Variants in DCAF17 observed in about 807,000 individuals in gnomAD.
The protein encoded by DCAF17 is DDB1 and CUL4 associated factor 17, also known as DDB1- and CUL4-associated factor 17.
DCAF17 carries 48 observed loss-of-function variants against 66.0 expected under a neutral mutation model. The observed-to-expected ratio is 0.73, with a 90% CI of 0.58 to 0.92. The LOEUF (loss-of-function observed/expected upper bound fraction) is 0.92, where lower values mean the gene tolerates loss of function less well. Among genes scored for constraint, DCAF17 ranks in the 40% least tolerant of loss-of-function variants. The pLI is 0.00. For synonymous variants in DCAF17, 206 were observed against 214.6 expected (o/e 0.96, Z 0.35); for missense variants, 562 against 622.8 (o/e 0.90, Z 1.04).
chr2:171,445,974 C>T (rs979412634), intron 3 of DCAF17, among the ~76,000 whole-genome samples: 4 of 152,084 alleles, frequency 2.6e-5, no homozygotes, highest in Admixed American at 2.6e-4. Context: ...TGAGTCACCA[C>T]GCTCAGCCAA....
Position 171,456,094 on chromosome 2 carries a change from A to G in DCAF17, c.628-1877A>G, listed in dbSNP as rs376025348. Among the ~76,000 whole-genome samples the G allele has an allele frequency of 6.6e-5, 10 of 152,292 alleles. No homozygotes were observed. In the East Asian group the frequency reaches 1.7e-3, roughly 26 times the overall value. On this transcript the variant is annotated intron_variant, in intron 6 of 13. Transcript: ENST00000375255. ...CATCATGAAATCTTTGCCCATGCCTATGTCCAGAATGATATTGCCTAGGTT... is the reference window on the plus strand; with the variant it reads ...CATCATGAAATCTTTGCCCATGCCTGTGTCCAGAATGATATTGCCTAGGTT...
Position 171,476,688 on chromosome 2 carries a change from A to T in DCAF17, c.1092-172A>T, listed in dbSNP as rs186810008. 5.7e-4 allele frequency among the ~76,000 whole-genome samples: 87 copies of T among 152,316 alleles called. 2 individuals carry two copies. The highest frequency in any genetic ancestry group is 2.4e-4 in the Non-Finnish European group (16 of 68,032). ...CTGTTTAACAGAATCTCCGAATTTG[A>T]AGGAGTTCATGGACATTTAGTGATC... On this transcript the variant is annotated intron_variant, in intron 10 of 13. Transcript: ENST00000375255.
At chr2:171,435,350 G>A (rs1244644026) in intron 2 of DCAF17, among the ~76,000 whole-genome samples, 164 bp downstream of exon 2, 1 of 152,170 alleles carries the variant, frequency 6.6e-6, no homozygotes, top group Non-Finnish European at 1.5e-5. Context: ...TTAAAATCTT[G>A]TTAAATCTAA....
intron 10 of DCAF17, among the ~76,000 whole-genome samples, chr2:171,476,058 A>C (rs1696483923): frequency 1.3e-5 from 2 of 152,198 alleles, no homozygotes; most frequent in Non-Finnish European, 2.9e-5. Flanking sequence ...AAACTAAGTG[A>C]ATAATTTAAA....
chr2:171,463,245 A>T (rs1250568873), intron 8 of DCAF17, among the ~76,000 whole-genome samples: 1 of 151,748 alleles, frequency 6.6e-6, no homozygotes, highest in Non-Finnish European at 1.5e-5. Flanking sequence ...AAAAAACAGA[A>T]AGAAGAATTC....
At chr2:171,457,384 T>C (rs73976158) in intron 6 of DCAF17, among the ~76,000 whole-genome samples, 8,700 of 152,200 alleles carry the variant, frequency 0.057, 281 homozygotes, top group African/African-American at 0.075. Flanking sequence ...ATTTAAGTAG[T>C]TTGTTTTTGA....
chr2:171,442,395 AAAAATAC>A (rs1277404643), intron 2 of DCAF17, among the ~76,000 whole-genome samples: 8 of 151,608 alleles, frequency 5.3e-5, no homozygotes, highest in African/African-American at 1.9e-4. Context: ...TGTCTCTACT[AAAAATAC>A]AAAATACAAA....
intron 8 of DCAF17, among the ~76,000 whole-genome samples, chr2:171,460,640 C>T (rs571521701): frequency 5.9e-4 from 90 of 152,118 alleles, no homozygotes; most frequent in African/African-American, 2.1e-3. Flanking sequence ...AAGTGATCAT[C>T]CTACATTAGC....
At chr2:171,451,183 CTT>C (rs1278650125) in intron 5 of DCAF17, among the ~76,000 whole-genome samples, 3 of 152,108 alleles carry the variant, frequency 2.0e-5, no homozygotes, top group African/African-American at 7.2e-5. Context: ...CCTCATCTCT[CTT>C]GTCTACTTTT....
intron 5 of DCAF17, 29 bp downstream of exon 5, chr2:171,449,986 G>A (rs778769146): frequency 2.4e-5 from 38 of 1,552,266 alleles, no homozygotes; most frequent in Non-Finnish European, 3.4e-5. Flanking sequence ...TCAATAAAAT[G>A]AAGACTCTTT....
chr2:171,458,129 G>A (rs1695368091), intron 7 of DCAF17, 54 bp downstream of exon 7: 3 of 1,500,748 alleles, frequency 2.0e-6, no homozygotes, highest in Non-Finnish European at 1.8e-6. Flanking sequence ...TTCGACTAAA[G>A]TATGATTTTT....
chr2:171,460,584 G>A (rs528551847), intron 8 of DCAF17, among the ~76,000 whole-genome samples: 1 of 151,736 alleles, frequency 6.6e-6, no homozygotes, highest in Non-Finnish European at 1.5e-5. Context: ...AGAGTGGAGT[G>A]CAGTGGAGAG....
rs886055107 is a variant in DCAF17, at chr2:171,473,988, A to C, written c.1091+13A>C. 1.3e-3 allele frequency: 2,024 copies of C among 1,562,038 alleles called. No homozygotes were observed. Among genetic ancestry groups the C allele is most frequent in the Non-Finnish European group, 1.6e-3 (1,836 of 1,132,776 alleles). On this transcript the variant is annotated intron_variant, in intron 10 of 13. Transcript: ENST00000375255. ...CAAATCAAGTCAAGTGAGTAATCTC[A>C]TTAGCACTTGAAAGTTAAGAGCAGC... is the stretch of plus-strand genomic sequence containing the variant.
chr2:171,478,937 G>T (rs1217009014), intron 12 of DCAF17, among the ~76,000 whole-genome samples: 1 of 152,136 alleles, frequency 6.6e-6, no homozygotes, highest in Non-Finnish European at 1.5e-5. Flanking sequence ...ATTAAGGGGG[G>T]AGAGGTGGTG....
At position 171,482,887 on chromosome 2, in the gene DCAF17, A is replaced by G; in HGVS notation, c.*1773A>G. The G allele has an allele frequency of 4.4e-6, 2 of 454,072 alleles. No individual in the cohort carries two copies. Among genetic ancestry groups the G allele is most frequent in the South Asian group, 3.1e-5 (2 of 64,476 alleles). 28.1% of individuals were successfully genotyped at this position (454,072 alleles called of 1,614,324 possible). ...AGTATGTCACCACTGCCTAAATCTA[A>G]CTAGACCAGGGTCCAAATGCCATCC... On this transcript the variant is annotated 3_prime_UTR_variant, in exon 14 of 14. Coordinates refer to ENST00000375255, the MANE Select transcript of DCAF17 (RefSeq NM_025000.4).
Position 171,480,978 on chromosome 2 carries a change from A to T in DCAF17, c.1427A>T (p.Tyr476Phe). 3 of 1,613,768 alleles carry T rather than the reference A, an allele frequency of 1.9e-6. No individual in the cohort carries two copies. The highest frequency in any genetic ancestry group is 2.5e-6 in the Non-Finnish European group (3 of 1,179,650). ...IPLVESWDVT[Y>F]SHEVYFDRDL... ...TATGATTGTGTTTTGTTACAGACAT[A>T]TAGCCATGAAGTCTACTTTGACAGA... Residue 476 changes from tyrosine (Y) to phenylalanine (F), a missense_variant, in exon 14 of 14, where the codon TAT becomes TTT. Tyr to Phe is a conservative substitution (Grantham distance 22). Coordinates refer to ENST00000375255, the MANE Select transcript of DCAF17 (RefSeq NM_025000.4).
Position 171,449,964 on chromosome 2 carries a change from A to C in DCAF17, c.537+7A>C. 1 of 1,607,060 alleles carries C rather than the reference A, an allele frequency of 6.2e-7. No homozygotes were observed. On this transcript the variant is annotated splice_region_variant and intron_variant, in intron 5 of 13. Coordinates refer to ENST00000375255, the MANE Select transcript of DCAF17 (RefSeq NM_025000.4). ...CTCAGCAGTGGCCCGGCAGGTATAC[A>C]TATTTAAACATTCAATAAAATGAAG...
chr2:171,449,701 A>T (rs1450523394), intron 4 of DCAF17, among the ~76,000 whole-genome samples, 178 bp from the exon 5 acceptor site: 1 of 152,152 alleles, frequency 6.6e-6, no homozygotes, highest in Non-Finnish European at 1.5e-5. Context: ...TTAAATAGGG[A>T]TATGTCCATA....
At chr2:171,462,676 A>G (rs1695652665) in intron 8 of DCAF17, among the ~76,000 whole-genome samples, 1 of 152,108 alleles carries the variant, frequency 6.6e-6, no homozygotes, top group Admixed American at 6.5e-5. Flanking sequence ...AAATGCGTGT[A>G]CTCCTTGAAC....
Sources: allele counts gnomAD v4.1 joint callset (sites outside exome capture counted in the v4.1 genomes callset), GRCh38; gene constraint gnomAD v4.1.1; transcripts MANE v1.5; gene names NCBI Gene and HGNC (gene_info 2026-07-23, HGNC 2026-07-21).